Variants in FAM53B observed in about 807,000 individuals in gnomAD.
FAM53B encodes protein FAM53B.
FAM53B carries 12 observed loss-of-function variants against 32.7 expected under a neutral mutation model. The ratio of observed to expected loss-of-function variants is 0.37; its 90% CI spans 0.24 to 0.59. The LOEUF (loss-of-function observed/expected upper bound fraction) is 0.59, where lower values mean the gene tolerates loss of function less well. Ranked by LOEUF, FAM53B falls within the 20% of genes least tolerant of loss-of-function variation. The probability of loss-of-function intolerance (pLI) is 0.72; values close to 1 mark genes in which losing one functional copy is unlikely to be tolerated. For synonymous variants in FAM53B, 234 were observed against 228.7 expected (o/e 1.02, Z -0.21); for missense variants, 477 against 577.7 (o/e 0.83, Z 1.79).
intron 1 of FAM53B, among the ~76,000 whole-genome samples, chr10:124,740,871 A>G (rs1217692740): frequency 1.3e-5 from 2 of 152,200 alleles, no homozygotes; most frequent in Non-Finnish European, 2.9e-5. Context: ...AGGAGAGTCC[A>G]GCAGAGCTAA....
At chr10:124,705,535 T>G (rs947064265) in intron 2 of FAM53B, 1 of 152,332 alleles carries the variant, frequency 6.6e-6, no homozygotes, top group Admixed American at 6.5e-5. Context: ...CTGCGAGTTC[T>G]TAGTCATGGG....
chr10:124,628,861 AC>A (rs887433089), intron 4 of FAM53B, among the ~76,000 whole-genome samples: 54 of 152,320 alleles, frequency 3.5e-4, no homozygotes, highest in African/African-American at 1.2e-3. Context: ...CTCCCAAAGC[AC>A]CAGGCTGAGA....
Position 124,623,118 on chromosome 10 carries a change from C to T in FAM53B, c.*124G>A, listed in dbSNP as rs1285340993. ...GCAGGTGGGCTCCCTCTCTGGGACC[C>T]GACACCACTCAGGAAGCTTTCATCA... On this transcript the variant is annotated 3_prime_UTR_variant, in exon 5 of 5. Coordinates refer to ENST00000337318, the MANE Select transcript of FAM53B (RefSeq NM_014661.4). The T allele has an allele frequency of 9.9e-6, 13 of 1,315,726 alleles. No homozygotes were observed. The East Asian group carries it at 1.2e-4, about 12-fold the overall frequency. The allele number at this position is 1,315,726 out of a possible 1,614,324, so 81.5% of individuals were successfully genotyped here. A position where few individuals can be genotyped will look rare whatever the true frequency, so the allele number is the denominator to read the frequency against.
At chr10:124,636,328 A>G (rs1031570450) in intron 4 of FAM53B, among the ~76,000 whole-genome samples, 26 of 152,202 alleles carry the variant, frequency 1.7e-4, no homozygotes, top group Non-Finnish European at 1.8e-4. Context: ...TCTGTGGACA[A>G]AAAACCTCTA....
Position 124,681,992 on chromosome 10 carries a change from G to A in FAM53B, c.521C>T (p.Ala174Val), listed in dbSNP as rs759564822. Residue 174 changes from alanine to valine, a missense_variant, in exon 4 of 5, where the codon GCC (alanine) becomes GTC (valine). Physicochemically the swap from Ala to Val is moderately conservative, Grantham distance 64. This residue lies in a region of FAM53B where 312 missense variants were observed against 420.2 expected (regional missense o/e 0.74). Coordinates refer to ENST00000337318, the MANE Select transcript of FAM53B (RefSeq NM_014661.4). ...GTCGCAGGGTGAGGAGAGCACGTTG[G>A]CCCGGGAAGGGAGGCTGAAGCTGGA... is the stretch of plus-strand genomic sequence containing the variant. ...RSSSFSLPSR[A>V]NVLSSPCDQA... is the part of the protein sequence containing the mutation. 1.2e-6 allele frequency: 2 copies of A among 1,614,048 alleles called. No homozygotes were observed. The highest frequency in any genetic ancestry group is 3.3e-5 in the Admixed American group (2 of 60,030).
At chr10:124,638,412 G>A (rs1178741366) in intron 4 of FAM53B, among the ~76,000 whole-genome samples, 9 of 152,042 alleles carry the variant, frequency 5.9e-5, no homozygotes, top group Admixed American at 5.9e-4. Context: ...TGGGACCGGT[G>A]CTTCCTTGGG....
chr10:124,688,001 G>A (rs553716325), intron 3 of FAM53B, among the ~76,000 whole-genome samples: 1 of 152,306 alleles, frequency 6.6e-6, no homozygotes, highest in African/African-American at 2.4e-5. Flanking sequence ...CTAATTCCAG[G>A]AAGAAGTATG....
chr10:124,644,615 C>T (rs1238059925), intron 4 of FAM53B, among the ~76,000 whole-genome samples: 1 of 152,198 alleles, frequency 6.6e-6, no homozygotes. Flanking sequence ...AGAAATGTAC[C>T]ACTCAAAGGG....
intron 3 of FAM53B, among the ~76,000 whole-genome samples, chr10:124,691,339 T>C (rs1347700596): frequency 2.0e-5 from 3 of 152,226 alleles, no homozygotes. Flanking sequence ...CAAGGAGGGC[T>C]GCTATAATAT....
intron 4 of FAM53B, among the ~76,000 whole-genome samples, chr10:124,640,312 G>A (rs1053494380): frequency 3.9e-5 from 6 of 152,230 alleles, no homozygotes; most frequent in Admixed American, 1.3e-4. Flanking sequence ...AGCTCTGCGC[G>A]GCAGGTTGGG....
chr10:124,668,436 G>T (rs1470291007), intron 4 of FAM53B, among the ~76,000 whole-genome samples: 1 of 152,268 alleles, frequency 6.6e-6, no homozygotes, highest in East Asian at 1.9e-4. Context: ...CAGTGAGATG[G>T]AAACTCTCTA....
chr10:124,623,199 G>A lies in FAM53B; in HGVS notation c.*43C>T. The stretch of plus-strand genomic sequence containing the variant: ...CCACCTAGTGCCCAGAGTGGGGGCT[G>A]TCGATGCCAGCACACCCCAGCCCTG... On this transcript the variant is annotated 3_prime_UTR_variant, in exon 5 of 5. Transcript: ENST00000337318. 6.5e-7 allele frequency: 1 copy of A among 1,531,134 alleles called. No individual in the cohort carries two copies. Among genetic ancestry groups the A allele is most frequent in the Non-Finnish European group, 8.8e-7 (1 of 1,138,430 alleles). The allele number at this position is 1,531,134 out of a possible 1,614,324, so 94.8% of individuals were successfully genotyped here.
chr10:124,631,043 G>A (rs1949387467), intron 4 of FAM53B, among the ~76,000 whole-genome samples: 1 of 152,230 alleles, frequency 6.6e-6, no homozygotes, highest in Non-Finnish European at 1.5e-5. Context: ...ATGCTGTGTG[G>A]CGGCCAGTCC....
chr10:124,635,839 A>C (rs924651803), intron 4 of FAM53B, among the ~76,000 whole-genome samples: 1 of 152,238 alleles, frequency 6.6e-6, no homozygotes, highest in Non-Finnish European at 1.5e-5. Context: ...GCCAAAAAAA[A>C]GGGCATGAGA....
At chr10:124,686,422 C>T (rs544602795) in intron 3 of FAM53B, among the ~76,000 whole-genome samples, 3 of 152,310 alleles carry the variant, frequency 2.0e-5, no homozygotes, top group African/African-American at 7.2e-5. Flanking sequence ...GCAGCTTCCC[C>T]CAAACATCAG....
chr10:124,669,505 T>C (rs568068347), intron 4 of FAM53B, among the ~76,000 whole-genome samples: 1 of 152,278 alleles, frequency 6.6e-6, no homozygotes, highest in South Asian at 2.1e-4. Flanking sequence ...ATCCATCAGG[T>C]GATGGGCCCG....
At chr10:124,717,515 A>G (rs1950044534) in intron 1 of FAM53B, among the ~76,000 whole-genome samples, 1 of 152,276 alleles carries the variant, frequency 6.6e-6, no homozygotes, top group Non-Finnish European at 1.5e-5. Context: ...GGACAAAGGC[A>G]AAGGCCAAAT....
intron 4 of FAM53B, among the ~76,000 whole-genome samples, chr10:124,637,380 G>T (rs929972064): frequency 4.6e-5 from 7 of 152,168 alleles, no homozygotes; most frequent in African/African-American, 1.4e-4. Context: ...CTTGCTCTGG[G>T]CCCATCTGCA....
chr10:124,631,628 C>CG (rs1481002442), intron 4 of FAM53B, among the ~76,000 whole-genome samples: 6 of 152,194 alleles, frequency 3.9e-5, no homozygotes, highest in Admixed American at 6.5e-5. Flanking sequence ...CCACCACTCT[C>CG]GGGCTGGCCT....
Sources: gnomAD v4.1 joint callset for allele counts (sites outside exome capture counted in the v4.1 genomes callset) on GRCh38, gnomAD v4.1.1 for gene constraint, gnomAD v4.1.1 regional missense constraint, MANE v1.5 for transcripts, NCBI Gene and HGNC (gene_info 2026-07-23, HGNC 2026-07-21) for gene names.